ARFGEF1: variants seen among roughly 807,000 people sequenced by gnomAD.
ARFGEF1 encodes brefeldin A-inhibited guanine nucleotide-exchange protein 1.
In ARFGEF1, 42 loss-of-function variants were observed where a neutral mutation model predicts 231.0. That is an observed-to-expected ratio of 0.18 (90% CI 0.14 to 0.24). ARFGEF1 has a LOEUF of 0.24. ARFGEF1 is among the 10% of genes least tolerant of loss of function. The probability of loss-of-function intolerance (pLI) is 1.00; values close to 1 mark genes in which losing one functional copy is unlikely to be tolerated. For missense variants in ARFGEF1, 1,345 were observed against 2,192.0 expected (o/e 0.61, Z 7.72); for synonymous variants, 710 against 732.3 (o/e 0.97, Z 0.49).
downstream of ARFGEF1, chr8:67,195,313 G>A (rs2129576601): frequency 1.1e-6 from 1 of 919,002 alleles, no homozygotes; most frequent in Admixed American, 1.7e-5. Context: ...TGGACTACAA[G>A]AGACCTGCGC....
In ARFGEF1 at chr8:67,329,422, G is replaced by A. The variant is rs75588985; in HGVS notation, c.124+13742C>T. On this transcript the variant is annotated intron_variant, in intron 1 of 38. Transcript: ENST00000262215. ...CAGGTGCCTGTAGTCCCAGCTACTC[G>A]GGAGGCTGAGGCAGGAGAATGGCGT... Among the ~76,000 whole-genome samples, 11 of 151,548 alleles carry A rather than the reference G, an allele frequency of 7.3e-5. No homozygotes were observed. In the East Asian group the frequency reaches 1.9e-3, roughly 27 times the overall value.
chr8:67,234,176 C>T (rs1013886755), intron 22 of ARFGEF1, among the ~76,000 whole-genome samples: 7 of 152,056 alleles, frequency 4.6e-5, no homozygotes, highest in African/African-American at 1.7e-4. Flanking sequence ...ATCATTTAAA[C>T]CTGCTGAACT....
chr8:67,224,992 A>C lies in ARFGEF1; in HGVS notation c.4119T>G (p.Pro1373=). The C allele has an allele frequency of 6.2e-7, 1 of 1,606,596 alleles. No homozygotes were observed. Among genetic ancestry groups the C allele is most frequent in the Non-Finnish European group, 8.5e-7 (1 of 1,176,528 alleles). ...EYTSDDMNVA[P]EDRVWVRGWF... is the part of the protein sequence containing the mutation. ...ATCCTCTCACCCACACCCTGTCTTC[A>C]GGTGCTACGTTCATATCATCGCTTG... Residue 1373 remains proline, a synonymous_variant, in exon 29 of 39, where the codon CCT becomes CCG. Transcript: ENST00000262215.
intron 29 of ARFGEF1, among the ~76,000 whole-genome samples, chr8:67,224,195 A>G (rs980762143): frequency 6.6e-6 from 1 of 152,170 alleles, no homozygotes; most frequent in Non-Finnish European, 1.5e-5. Flanking sequence ...AAGATTCCTA[A>G]AAGATTTTGT....
chr8:67,211,568 T>G lies in ARFGEF1; in HGVS notation c.4734A>C (p.Pro1578=). 1.3e-6 allele frequency: 2 copies of G among 1,569,212 alleles called. No individual in the cohort carries two copies. The highest frequency in any genetic ancestry group is 2.4e-5 in the South Asian group (2 of 83,228). The part of the protein sequence containing the change: ...KSVDIHDSIQ[P]RSVDNRPQAP... ...CTTGTGGTCTGTTATCCACAGACCT[T>G]GGTTGAATAGAATCATGAATATCTA... Residue 1578 remains proline (P), a synonymous_variant, in exon 34 of 39, where the codon CCA becomes CCC. Transcript: ENST00000262215.
downstream of ARFGEF1, chr8:67,193,385 C>A: frequency 7.6e-7 from 1 of 1,316,032 alleles, no homozygotes; most frequent in Non-Finnish European, 1.1e-6. Context: ...GTGATAGGCA[C>A]CATGCCTGGC....
intron 19 of ARFGEF1, among the ~76,000 whole-genome samples, chr8:67,245,426 A>G (rs1840074723): frequency 6.6e-6 from 1 of 150,562 alleles, no homozygotes; most frequent in Non-Finnish European, 1.5e-5. Flanking sequence ...ATAAGGTATA[A>G]ACAAAAACAA....
At chr8:67,271,545 C>T (rs1480132762) in intron 10 of ARFGEF1, among the ~76,000 whole-genome samples, 157 bp downstream of exon 10, 1 of 151,828 alleles carries the variant, frequency 6.6e-6, no homozygotes, top group Non-Finnish European at 1.5e-5. Flanking sequence ...ACTTCGTTGG[C>T]ACATATTAGT....
chr8:67,291,886 T>C lies in ARFGEF1; in HGVS notation c.877A>G (p.Asn293Asp). ...GCCTGATCAGCTTCAGTCTGTTCAT[T>C]TTCTGCACTGGAAATATCAGATCCA... Reference protein sequence around the residue: ...ENGSDISSAENEQTEADQATA... With the variant: ...ENGSDISSAEDEQTEADQATA... Residue 293 changes from asparagine to aspartate, a missense_variant, in exon 6 of 39, where the codon AAT (asparagine) becomes GAT (aspartate). Transcript: ENST00000262215. 1.2e-6 allele frequency: 2 copies of C among 1,613,972 alleles called. No homozygotes were observed. The highest frequency in any genetic ancestry group is 1.1e-5 in the South Asian group (1 of 91,066).
Position 67,258,044 on chromosome 8 carries a change from G to A in ARFGEF1, c.2441+41C>T, listed in dbSNP as rs537494037. 7 of 1,535,510 alleles carry A rather than the reference G, an allele frequency of 4.6e-6. No homozygotes were observed. The South Asian group carries it at 6.8e-5, about 15-fold the overall frequency. On this transcript the variant is annotated intron_variant, in intron 16 of 38. Coordinates refer to ENST00000262215, the MANE Select transcript of ARFGEF1 (RefSeq NM_006421.5). Reference sequence around the variant, plus strand: ...TGGATGCTACCTAGCACAGTGGTTTGGATATAACAGACAATCAATGAGCAT... The same window carrying A: ...TGGATGCTACCTAGCACAGTGGTTTAGATATAACAGACAATCAATGAGCAT...
intron 33 of ARFGEF1, among the ~76,000 whole-genome samples, chr8:67,212,700 G>T (rs2129577890): frequency 6.6e-6 from 1 of 151,910 alleles, no homozygotes; most frequent in South Asian, 2.1e-4. Flanking sequence ...GTGAAAGGAA[G>T]ATGGGCCTGT....
At chr8:67,283,186 T>C (rs935104661) in intron 7 of ARFGEF1, among the ~76,000 whole-genome samples, 1 of 152,194 alleles carries the variant, frequency 6.6e-6, no homozygotes, top group Non-Finnish European at 1.5e-5. Flanking sequence ...AGTGACATTA[T>C]AGCACTGTAT....
intron 4 of ARFGEF1, 42 bp downstream of exon 4, chr8:67,299,167 A>C: frequency 6.8e-7 from 1 of 1,466,560 alleles, no homozygotes; most frequent in Non-Finnish European, 9.1e-7. Flanking sequence ...AATTTTGAAG[A>C]TACAGATTAT....
At chr8:67,206,419 A>T (rs867048323) in intron 34 of ARFGEF1, among the ~76,000 whole-genome samples, 1 of 151,390 alleles carries the variant, frequency 6.6e-6, no homozygotes, top group African/African-American at 2.4e-5. Context: ...TTAAAAAAAA[A>T]AAAAAAAAAA....
At chr8:67,232,730 CAATAT>C in intron 23 of ARFGEF1, 120 bp downstream of exon 23, 2 of 735,050 alleles carry the variant, frequency 2.7e-6, no homozygotes, top group East Asian at 2.9e-5. Flanking sequence ...CAGCATATCA[CAATAT>C]AATTTTATAT....
chr8:67,258,260 C>G lies in ARFGEF1; in HGVS notation c.2266G>C (p.Asp756His). Reference protein sequence around the residue: ...TQVGEFLGDNDKFNKEVMYAY... With the variant: ...TQVGEFLGDNHKFNKEVMYAY... ...TACATGACTTCTTTGTTAAATTTAT[C>G]ATTATCTCCCAGGAACTCACCCACT... The change falls in exon 16 of 39, where the codon GAT becomes CAT. Residue 756 changes from aspartate (D) to histidine (H), a missense_variant. Transcript: ENST00000262215. 1.2e-6 allele frequency: 2 copies of G among 1,606,730 alleles called. No homozygotes were observed. The highest frequency in any genetic ancestry group is 1.7e-6 in the Non-Finnish European group (2 of 1,174,106).
rs80116154 is a variant in ARFGEF1 at position 67,308,660 on chromosome 8, T to G, written c.125-6194A>C. Among the ~76,000 whole-genome samples, 366 of 152,302 alleles carry G rather than the reference T, an allele frequency of 2.4e-3. 1 individual carries two copies. Among genetic ancestry groups the G allele is most frequent in the African/African-American group, 8.6e-3 (357 of 41,570 alleles). On this transcript the variant is annotated intron_variant, in intron 1 of 38. Transcript: ENST00000262215. ...CATCATCCCTGCTTATGTGCTCCCA[T>G]AGAAACAAGGACCTATTTTTATAAG...
rs1222571178 is a variant in ARFGEF1 at position 67,198,012 on chromosome 8, GAA to G, written c.*920_*921del. The G allele has an allele frequency of 1.0e-6, 1 of 985,652 alleles. No homozygotes were observed. The highest frequency in any genetic ancestry group is 1.7e-5 in the African/African-American group (1 of 57,216). The allele number at this position is 985,652 out of a possible 1,614,324, so 61.1% of individuals were successfully genotyped here. ...TCAAGCCCCACCACCCAAAAGAAAAGAAAATGACAGCAATCTGGATTCATTTT... is the reference window on the plus strand; with the variant it reads ...TCAAGCCCCACCACCCAAAAGAAAAGAATGACAGCAATCTGGATTCATTTT... On this transcript the variant is annotated 3_prime_UTR_variant, in exon 39 of 39. Transcript: ENST00000262215.
At chr8:67,317,554 A>T (rs1455074364) in intron 1 of ARFGEF1, among the ~76,000 whole-genome samples, 1 of 151,962 alleles carries the variant, frequency 6.6e-6, no homozygotes, top group Admixed American at 6.6e-5. Context: ...AGGTATAAAA[A>T]GAATTAAATA....
Sources: gnomAD v4.1 joint callset for allele counts (sites outside exome capture counted in the v4.1 genomes callset) on GRCh38, gnomAD v4.1.1 for gene constraint, MANE v1.5 for transcripts, NCBI Gene and HGNC (gene_info 2026-07-23, HGNC 2026-07-21) for gene names.